SEPTIN4: variants seen among roughly 807,000 people sequenced by gnomAD.
The protein encoded by SEPTIN4 is septin 4, also known as septin-4.
Under a neutral mutation model 107.1 loss-of-function variants are expected in SEPTIN4, and 52 were observed. The ratio of observed to expected loss-of-function variants is 0.49; its 90% CI spans 0.39 to 0.61. SEPTIN4 has a LOEUF of 0.61. Among genes scored for constraint, SEPTIN4 ranks in the 20% least tolerant of loss-of-function variants. The pLI, the probability that SEPTIN4 is intolerant of heterozygous loss-of-function variation, is 0.00. For missense variants in SEPTIN4, 1,048 were observed against 1,243.5 expected, an observed-to-expected ratio of 0.84 and a Z score of 2.36; for synonymous variants, 417 against 467.0, an observed-to-expected ratio of 0.89 and a Z score of 1.38.
At position 58,520,389 on chromosome 17, in the gene SEPTIN4, AGAG is replaced by A. The variant is rs2042131223; in HGVS notation, c.*34_*36del. The A allele has an allele frequency of 3.7e-6, 6 of 1,603,824 alleles. No individual in the cohort carries two copies. Among genetic ancestry groups the A allele is most frequent in the East Asian group, 2.2e-5 (1 of 44,802 alleles). ...GGAGGGGCCGGCATGGACAGGAAGA[AGAG>A]GAGGAGATTTAAATATCCAGGGCTG... On this transcript the variant is annotated 3_prime_UTR_variant, in exon 14 of 14. Transcript: ENST00000672673.
At chr17:58,526,410 C>A in intron 4 of SEPTIN4, 97 bp from the exon 5 acceptor site, 1 of 1,381,142 alleles carries the variant, frequency 7.2e-7, no homozygotes, top group Non-Finnish European at 9.4e-7. Context: ...TTTGCCCCAG[C>A]CTTAAAAAAG....
At chr17:58,531,062 G>A (rs1320969568) in intron 3 of SEPTIN4, 2 of 152,488 alleles carry the variant, frequency 1.3e-5, no homozygotes, top group African/African-American at 4.8e-5. Flanking sequence ...TCCAGACTGA[G>A]AGGAGAGGAC....
chr17:58,522,128 A>C lies in SEPTIN4; in HGVS notation c.2217-27T>G, dbSNP rs772386521. The C allele has an allele frequency of 9.3e-6, 15 of 1,613,332 alleles. No individual in the cohort carries two copies. In the African/African-American group the frequency reaches 2.0e-4, roughly 22 times the overall value. ...TGGGGCAGGGACAGACAAGCAGAGA[A>C]ACTGTGAGAGTGGGAGCCACCTAGT... On this transcript the variant is annotated intron_variant, in intron 7 of 13. Coordinates refer to ENST00000672673, the MANE Select transcript of SEPTIN4 (RefSeq NM_001368771.2).
intron 5 of SEPTIN4, 123 bp downstream of exon 5, chr17:58,526,097 G>A: frequency 9.8e-6 from 11 of 1,125,060 alleles, no homozygotes; most frequent in Non-Finnish European, 1.1e-5. Context: ...TGGCTGTTTT[G>A]CAAAACAGTA....
In SEPTIN4 at chr17:58,526,786, G is replaced by A; in HGVS notation, c.1807C>T (p.Gln603Ter). 1 of 1,613,754 alleles carries A rather than the reference G, an allele frequency of 6.2e-7. No homozygotes were observed. Among genetic ancestry groups the A allele is most frequent in the Non-Finnish European group, 8.5e-7 (1 of 1,179,906 alleles). Residue 603 changes from glutamine to a stop codon, truncating the protein, a stop_gained, in exon 4 of 14, where the codon CAG (glutamine) becomes TAG (stop). Transcript: ENST00000672673. LOFTEE classifies it high-confidence loss of function. ...AAGTACTGCTGGTTGTCAGAGGACTGGGGCCGCGAGGGGGGTCTGAACTCC... is the reference window on the plus strand; with the variant it reads ...AAGTACTGCTGGTTGTCAGAGGACTAGGGCCGCGAGGGGGGTCTGAACTCC... ...DLEFRPPSRP[Q>*]SSDNQQYFCA...
rs1567949007 is a variant in SEPTIN4, at chr17:58,521,381, CCT to C, written c.2572-33_2572-32del. 1 of 1,602,050 alleles carries C rather than the reference CCT, an allele frequency of 6.2e-7. No individual in the cohort carries two copies. The highest frequency in any genetic ancestry group is 8.6e-7 in the Non-Finnish European group (1 of 1,169,066). ...AGAGGTTAGGGGTGCCTGTCAGCACCCTCTGTTCTCACCTCTTTCTTTCCACC... is the reference window on the plus strand; with the variant it reads ...AGAGGTTAGGGGTGCCTGTCAGCACCCTGTTCTCACCTCTTTCTTTCCACC... On this transcript the variant is annotated intron_variant, in intron 10 of 13. Transcript: ENST00000672673. The surrounding 1 kb of genome is among the most constrained non-coding windows in gnomAD (Gnocchi z 6.4).
intron 2 of SEPTIN4, chr17:58,540,890 G>C: frequency 5.1e-6 from 2 of 392,798 alleles, no homozygotes; most frequent in South Asian, 2.5e-4. Context: ...TGTTTTATTG[G>C]TAATAACTTG....
intron 3 of SEPTIN4, among the ~76,000 whole-genome samples, chr17:58,539,427 G>GGC (rs2043818536): frequency 6.6e-6 from 1 of 152,086 alleles, no homozygotes; most frequent in African/African-American, 2.4e-5. Flanking sequence ...GTGAGCAAAA[G>GGC]GCTAGCTAAG....
intron 1 of SEPTIN4, 105 bp downstream of exon 1, chr17:58,542,521 G>T: frequency 7.0e-7 from 1 of 1,438,704 alleles, no homozygotes. Context: ...ACTGGCAGGA[G>T]AGCAGCCCTT....
chr17:58,527,061 C>T, intron 3 of SEPTIN4, 83 bp from the exon 4 acceptor site: 1 of 1,603,782 alleles, frequency 6.2e-7, no homozygotes, highest in Non-Finnish European at 8.5e-7. Flanking sequence ...AGACAGAAGA[C>T]AGGAGAAGGC....
At position 58,522,010 on chromosome 17, in the gene SEPTIN4, T is replaced by C. The variant is rs761259740; in HGVS notation, c.2308A>G (p.Arg770Gly). ...GLNRKNIQDN[R>G]VHCCLYFISP... ...ATGAAGTACAGGCAGCAGTGCACCC[T>C]GTTGTCTTGGATGTTCTTTCGGTTC... Residue 770 changes from arginine (R) to glycine (G), a missense_variant, in exon 8 of 14, where the codon AGG (arginine) becomes GGG (glycine). Arg to Gly is a moderately radical substitution (Grantham distance 125). Transcript: ENST00000672673. The C allele has an allele frequency of 1.9e-6, 3 of 1,614,204 alleles. No homozygotes were observed. The highest frequency in any genetic ancestry group is 2.5e-6 in the Non-Finnish European group (3 of 1,180,046).
chr17:58,521,409 T>C lies in SEPTIN4; in HGVS notation c.2572-59A>G. 1 of 1,580,326 alleles carries C rather than the reference T, an allele frequency of 6.3e-7. No homozygotes were observed. The highest frequency in any genetic ancestry group is 1.1e-5 in the South Asian group (1 of 90,444). On this transcript the variant is annotated intron_variant, in intron 10 of 13. Transcript: ENST00000672673. This position sits in a 1 kb window ranked among gnomAD's most constrained non-coding sequence, Gnocchi z 6.4. ...CTGTTCTCACCTCTTTCTTTCCACC[T>C]GTATCGTCATCTTCTCTGCTTCATT...
At position 58,526,878 on chromosome 17, in the gene SEPTIN4, G is replaced by T; in HGVS notation, c.1715C>A (p.Thr572Asn). ...NASCHPPEAK[T>N]WASRPQVPEP... Reference sequence around the variant, plus strand: ...CGGGACTTGGGGCCTGGATGCCCAGGTCTTAGCCTCTGGTGGGTGGCAGCT... The same window carrying T: ...CGGGACTTGGGGCCTGGATGCCCAGTTCTTAGCCTCTGGTGGGTGGCAGCT... Residue 572 changes from threonine (T) to asparagine (N), a missense_variant, in exon 4 of 14, where the codon ACC (threonine) becomes AAC (asparagine). Coordinates refer to ENST00000672673, the MANE Select transcript of SEPTIN4 (RefSeq NM_001368771.2). 5 of 1,614,120 alleles carry T rather than the reference G, an allele frequency of 3.1e-6. No homozygotes were observed. Among genetic ancestry groups the T allele is most frequent in the Non-Finnish European group, 4.2e-6 (5 of 1,180,040 alleles).
chr17:58,525,732 A>G lies in SEPTIN4; in HGVS notation c.2055T>C (p.Thr685=). 1 of 1,614,162 alleles carries G rather than the reference A, an allele frequency of 6.2e-7. No homozygotes were observed. The highest frequency in any genetic ancestry group is 8.5e-7 in the Non-Finnish European group (1 of 1,180,008). The change falls in exon 6 of 14, where the codon ACT becomes ACC. Residue 685 remains threonine (T), a synonymous_variant. Transcript: ENST00000672673. The stretch of plus-strand genomic sequence containing the variant: ...GAAGTTTCCGGTCCCGGTACAGATC[A>G]GTGAGGAAGAGGCTATTGACAAGTG... ...KSTLVNSLFL[T]DLYRDRKLLG...
Position 58,533,408 on chromosome 17 carries a change from C to T in SEPTIN4, c.1615-6430G>A, listed in dbSNP as rs577205387. 1.8e-4 allele frequency among the ~76,000 whole-genome samples: 27 copies of T among 152,288 alleles called. No individual in the cohort carries two copies. In the South Asian group the frequency reaches 2.9e-3, roughly 16 times the overall value. On this transcript the variant is annotated intron_variant, in intron 3 of 13. Transcript: ENST00000672673. ...ACTAGATGATTTCTAAGCTTCCTTA[C>T]AGCTCTGGCCTTCTAAAAGTGGATG...
rs1182475462 is a variant in SEPTIN4, at chr17:58,521,962, C to T, written c.2351+5G>A. 3 of 1,614,256 alleles carry T rather than the reference C, an allele frequency of 1.9e-6. No homozygotes were observed. Among genetic ancestry groups the T allele is most frequent in the Non-Finnish European group, 2.5e-6 (3 of 1,180,052 alleles). On this transcript the variant is annotated splice_donor_5th_base_variant and intron_variant, in intron 8 of 13. Coordinates refer to ENST00000672673, the MANE Select transcript of SEPTIN4 (RefSeq NM_001368771.2). This position sits in a 1 kb window ranked among gnomAD's most constrained non-coding sequence, Gnocchi z 6.4. ...GGTGCCAGGAGCCTCAGGCTTGGACCATACCCATGGCCGAAGGGTGAGATG... is the reference window on the plus strand; with the variant it reads ...GGTGCCAGGAGCCTCAGGCTTGGACTATACCCATGGCCGAAGGGTGAGATG...
chr17:58,537,073 T>C (rs1402890959), intron 3 of SEPTIN4, among the ~76,000 whole-genome samples: 1 of 152,238 alleles, frequency 6.6e-6, no homozygotes, highest in African/African-American at 2.4e-5. Flanking sequence ...TTCTTCCCTA[T>C]GTGGGACTAT....
chr17:58,541,994 T>C, intron 1 of SEPTIN4, 28 bp from the exon 2 acceptor site: 1 of 1,610,364 alleles, frequency 6.2e-7, no homozygotes. Context: ...ATGGTTGCTT[T>C]TCTTCTCTCT....
Position 58,526,257 on chromosome 17 carries a change from G to C in SEPTIN4, c.1968C>G (p.Ser656=), listed in dbSNP as rs199986692. The change falls in exon 5 of 14, where the codon TCC becomes TCG. Residue 656 remains serine, a synonymous_variant. Coordinates refer to ENST00000672673, the MANE Select transcript of SEPTIN4 (RefSeq NM_001368771.2). Reference sequence around the variant, plus strand: ...GGGTAAAGTCAAAGCCTTTCTTCACGGACTTTCGGTGGACTTGGTTGGGGA... The same window carrying C: ...GGGTAAAGTCAAAGCCTTTCTTCACCGACTTTCGGTGGACTTGGTTGGGGA... ...ATLPNQVHRK[S]VKKGFDFTLM... 4 of 1,604,290 alleles carry C rather than the reference G, an allele frequency of 2.5e-6. No homozygotes were observed. Among genetic ancestry groups the C allele is most frequent in the Non-Finnish European group, 3.4e-6 (4 of 1,175,154 alleles).
Sources: allele counts gnomAD v4.1 joint callset (sites outside exome capture counted in the v4.1 genomes callset), GRCh38; gene constraint gnomAD v4.1.1; non-coding constraint Gnocchi (gnomAD v3.1); transcripts MANE v1.5; gene names NCBI Gene and HGNC (gene_info 2026-07-23, HGNC 2026-07-21).